FAR1: variants seen among roughly 807,000 people sequenced by gnomAD.
FAR1 encodes male sterility domain-containing protein 2.
FAR1 carries 22 observed loss-of-function variants against 61.1 expected under a neutral mutation model. The ratio of observed to expected loss-of-function variants is 0.36; its 90% confidence interval spans 0.26 to 0.51. The LOEUF (loss-of-function observed/expected upper bound fraction) is 0.51, where lower values mean the gene tolerates loss of function less well. Ranked by LOEUF, FAR1 falls within the 20% of genes least tolerant of loss-of-function variation. FAR1 has a pLI of 0.95. For synonymous variants in FAR1, 206 were observed against 209.7 expected, an observed-to-expected ratio of 0.98 and a Z score of 0.15; for missense variants, 359 against 626.9, an observed-to-expected ratio of 0.57 and a Z score of 4.56.
intron 1 of FAR1, among the ~76,000 whole-genome samples, chr11:13,688,212 T>C (rs2134175250): frequency 6.6e-6 from 1 of 151,562 alleles, no homozygotes; most frequent in East Asian, 1.9e-4. Context: ...TGTGAAGTTT[T>C]TGGTGGCATT....
intron 3 of FAR1, among the ~76,000 whole-genome samples, chr11:13,703,073 G>A (rs559454735): frequency 3.1e-4 from 47 of 152,356 alleles, no homozygotes; most frequent in Admixed American, 3.1e-3. Flanking sequence ...TTTAATGGAT[G>A]TTGACTTCCA....
intron 1 of FAR1, among the ~76,000 whole-genome samples, chr11:13,678,811 T>C (rs982856869): frequency 6.6e-6 from 1 of 152,180 alleles, no homozygotes; most frequent in Non-Finnish European, 1.5e-5. Context: ...GCATATAGTT[T>C]CCTAGCACCA....
Position 13,681,155 on chromosome 11 carries a change from G to T in FAR1, c.-8+12349G>T, listed in dbSNP as rs190881044. 9.9e-5 allele frequency among the ~76,000 whole-genome samples: 15 copies of T among 152,226 alleles called. No homozygotes were observed. In the East Asian group the frequency reaches 2.9e-3, roughly 29 times the overall value. On this transcript the variant is annotated intron_variant, in intron 1 of 11. Transcript: ENST00000354817. The stretch of plus-strand genomic sequence containing the variant: ...TTGAACATGGGAATGTGAAATTCTC[G>T]TTCAGTAGATGAGGTTATTGGGTAG...
chr11:13,704,044 CAAAAAAAAAA>C (rs55995847), intron 3 of FAR1, among the ~76,000 whole-genome samples: 1 of 79,642 alleles, frequency 1.3e-5, no homozygotes, highest in African/African-American at 5.0e-5. Flanking sequence ...AACTCCGTCT[CAAAAAAAAAA>C]AAAAAAAAAA....
chr11:13,716,969 T>C (rs1848564024), intron 9 of FAR1, among the ~76,000 whole-genome samples: 2 of 114,274 alleles, frequency 1.8e-5, no homozygotes, highest in Admixed American at 1.3e-4. Context: ...AGGCCCCCAG[T>C]GTGTGATATT....
At chr11:13,675,856 G>T (rs559153125) in intron 1 of FAR1, among the ~76,000 whole-genome samples, 1 of 152,074 alleles carries the variant, frequency 6.6e-6, no homozygotes, top group African/African-American at 2.4e-5. Context: ...AGAAATCCTT[G>T]AATTTAGGGA....
chr11:13,703,330 T>C (rs1848397168), intron 3 of FAR1, among the ~76,000 whole-genome samples: 1 of 152,178 alleles, frequency 6.6e-6, no homozygotes, highest in Admixed American at 6.5e-5. Flanking sequence ...ACTAGAGGCA[T>C]ATGCCAACAC....
intron 1 of FAR1, among the ~76,000 whole-genome samples, chr11:13,677,328 A>C (rs1423430108): frequency 1.3e-5 from 2 of 152,234 alleles, no homozygotes; most frequent in Non-Finnish European, 2.9e-5. Context: ...ACAGTTCTTA[A>C]AACATTTTCC....
chr11:13,711,540 G>C (rs894418767), intron 5 of FAR1, among the ~76,000 whole-genome samples: 1 of 152,136 alleles, frequency 6.6e-6, no homozygotes, highest in African/African-American at 2.4e-5. Context: ...TGGAAGAGTA[G>C]TAGGTAGCCC....
intron 10 of FAR1, among the ~76,000 whole-genome samples, chr11:13,725,405 T>C (rs986838577): frequency 2.7e-5 from 4 of 148,368 alleles, no homozygotes; most frequent in Non-Finnish European, 5.9e-5. Context: ...GATTTTAGTA[T>C]ACATTACCTA....
At chr11:13,719,541 A>G (rs1848588117) in intron 9 of FAR1, among the ~76,000 whole-genome samples, 1 of 152,218 alleles carries the variant, frequency 6.6e-6, no homozygotes, top group African/African-American at 2.4e-5. Flanking sequence ...AATGTGAGCT[A>G]GATAAGCATC....
chr11:13,670,579 G>A (rs1591250420), intron 1 of FAR1, among the ~76,000 whole-genome samples: 1 of 152,246 alleles, frequency 6.6e-6, no homozygotes, highest in African/African-American at 2.4e-5. Context: ...GGCGTTAGCT[G>A]CCGCGCCGGC....
intron 1 of FAR1, among the ~76,000 whole-genome samples, chr11:13,686,048 G>A (rs1178665561): frequency 6.6e-6 from 1 of 152,130 alleles, no homozygotes; most frequent in Non-Finnish European, 1.5e-5. Context: ...CCTTGACCTC[G>A]CTGAAGGACA....
chr11:13,700,256 T>C (rs749892986), intron 2 of FAR1, 61 bp from the exon 3 acceptor site: 12 of 1,248,858 alleles, frequency 9.6e-6, no homozygotes, highest in Non-Finnish European at 1.3e-5. Flanking sequence ...AAAATGGTGA[T>C]AATGAGTTTT....
intron 11 of FAR1, 108 bp downstream of exon 11, chr11:13,727,791 A>ATAATTTTTT: frequency 1.0e-6 from 1 of 998,036 alleles, no homozygotes; most frequent in Non-Finnish European, 1.4e-6. Context: ...AAAGATGCAG[A>ATAATTTTTT]TAATTTTTAA....
chr11:13,689,050 C>A (rs1331466128), intron 1 of FAR1, among the ~76,000 whole-genome samples: 1 of 152,118 alleles, frequency 6.6e-6, no homozygotes, highest in East Asian at 1.9e-4. Context: ...ATTTATTGTG[C>A]AAACTGAGAC....
intron 9 of FAR1, among the ~76,000 whole-genome samples, chr11:13,718,307 A>G (rs1013140223): frequency 6.6e-6 from 1 of 152,116 alleles, no homozygotes; most frequent in African/African-American, 2.4e-5. Flanking sequence ...ATTCCACTCA[A>G]ATAGTTCATT....
At chr11:13,717,004 G>C (rs1848564183) in intron 9 of FAR1, among the ~76,000 whole-genome samples, 1 of 145,068 alleles carries the variant, frequency 6.9e-6, no homozygotes, top group East Asian at 2.1e-4. Context: ...CAAGTAAGGG[G>C]ATTTAGAAAG....
chr11:13,708,229 T>A (rs947325117), intron 4 of FAR1, 150 bp downstream of exon 4: 2 of 468,546 alleles, frequency 4.3e-6, no homozygotes, highest in Admixed American at 4.2e-5. Context: ...CCAGGCATGG[T>A]GGCAGGCGCC....
Sources: allele counts gnomAD v4.1 joint callset (sites outside exome capture counted in the v4.1 genomes callset), GRCh38; gene constraint gnomAD v4.1.1; transcripts MANE v1.5; gene names NCBI Gene and HGNC (gene_info 2026-07-23, HGNC 2026-07-21).